Variants in SPIN2A observed in about 807,000 individuals in gnomAD.
SPIN2A encodes the protein spindlin family member 2A.
In SPIN2A, 4 loss-of-function variants were observed where a neutral mutation model predicts 9.2. That is an observed-to-expected ratio of 0.44 (90% CI 0.21 to 1.00). The LOEUF is 1.00. SPIN2A is among the 50% of genes least tolerant of loss of function. The pLI is 0.26. For synonymous variants in SPIN2A, 25 were observed against 61.2 expected, an observed-to-expected ratio of 0.41 and a Z score of 2.76; for missense variants, 77 against 172.8, an observed-to-expected ratio of 0.45 and a Z score of 3.11.
chrX:57,137,439 A>G (rs951783484), upstream of SPIN2A: 35 of 663,244 alleles, frequency 5.3e-5, 1 homozygote, highest in Non-Finnish European at 6.1e-5. Context: ...CTGGCCGTCT[A>G]CCTCCCTGTT....
downstream of SPIN2A, chrX:57,135,193 A>G (rs1347647295): frequency 8.6e-6 from 1 of 115,896 alleles, no homozygotes; most frequent in African/African-American, 3.3e-5. Flanking sequence ...TCCTTTGTGT[A>G]TCCTTTAGCC....
upstream of SPIN2A, among the ~76,000 whole-genome samples, chrX:57,137,816 A>G (rs1015094955): frequency 6.3e-5 from 7 of 111,821 alleles, no homozygotes; most frequent in African/African-American, 2.3e-4. Context: ...TACCATGTGT[A>G]TACATTTATG....
intron 1 of SPIN2A, chrX:57,136,942 C>A: frequency 1.2e-6 from 1 of 846,156 alleles, no homozygotes; most frequent in Non-Finnish European, 1.6e-6. Flanking sequence ...CCTTGACCAG[C>A]ACCCACTACC....
chrX:57,142,210 G>C (rs945570585), upstream of SPIN2A, among the ~76,000 whole-genome samples: 1 of 111,443 alleles, frequency 9.0e-6, no homozygotes. Context: ...TTTATTTGAA[G>C]TTTTTATGCT....
chrX:57,145,070 G>C, the SPIN2A span, among the ~76,000 whole-genome samples: 49,910 of 109,719 alleles, frequency 0.45, 11,428 homozygotes, highest in African/African-American at 0.89. Flanking sequence ...GACTTTTTCT[G>C]TGGGTAGTGG....
Position 57,136,826 on chromosome X carries a change from G to A in SPIN2A, c.-5-224C>T, listed in dbSNP as rs1927795762. The stretch of plus-strand genomic sequence containing the variant: ...GTGCAGTAGAGCTGTCTGGGGTTAG[G>A]AACTCTGCAGAAGTGGCTGGGCCAC... On this transcript the variant is annotated intron_variant, in intron 1 of 1. Transcript: ENST00000374906. The A allele has an allele frequency of 9.7e-6, 4 of 413,824 alleles. No individual in the cohort carries two copies. In the East Asian group the frequency reaches 1.7e-4, roughly 18 times the overall value. 34.1% of individuals were successfully genotyped at this position (413,824 alleles called of 1,213,427 possible).
the SPIN2A span, among the ~76,000 whole-genome samples, chrX:57,146,913 G>T: frequency 1.8e-5 from 2 of 111,720 alleles, no homozygotes; most frequent in Non-Finnish European, 3.8e-5. Context: ...CTAGTATGAA[G>T]CCCACTTGAT....
chrX:57,145,532 C>T, the SPIN2A span, among the ~76,000 whole-genome samples: 2 of 111,857 alleles, frequency 1.8e-5, no homozygotes, highest in Non-Finnish European at 3.8e-5. Context: ...ATGACTGTTC[C>T]TTTTGTTGTG....
At chrX:57,145,826 A>C in the SPIN2A span, among the ~76,000 whole-genome samples, 1 of 110,829 alleles carries the variant, frequency 9.0e-6, no homozygotes, top group Non-Finnish European at 1.9e-5. Context: ...TCCTTTTCCC[A>C]CTTTATGTTT....
chrX:57,145,461 T>A, the SPIN2A span, among the ~76,000 whole-genome samples: 1 of 112,043 alleles, frequency 8.9e-6, no homozygotes, highest in Non-Finnish European at 1.9e-5. Context: ...ATATTAGTCC[T>A]CTGTTGGATG....
At chrX:57,141,133 G>GT (rs1345178819), upstream of SPIN2A, among the ~76,000 whole-genome samples, 2 of 111,345 alleles carry the variant, frequency 1.8e-5, no homozygotes, top group African/African-American at 3.3e-5. Flanking sequence ...TTTGTTGAGA[G>GT]TTTTTTTCAT....
chrX:57,139,314 T>G (rs1275885739), upstream of SPIN2A, among the ~76,000 whole-genome samples: 5 of 112,333 alleles, frequency 4.5e-5, no homozygotes, highest in African/African-American at 1.6e-4. Context: ...ACAGAGAGTG[T>G]CCTTTCTATA....
upstream of SPIN2A, among the ~76,000 whole-genome samples, chrX:57,138,069 G>C (rs1267567024): frequency 8.9e-6 from 1 of 111,858 alleles, no homozygotes; most frequent in Non-Finnish European, 1.9e-5. Context: ...GCATTATGTA[G>C]GCATATTTTA....
At chrX:57,144,809 A>G in the SPIN2A span, among the ~76,000 whole-genome samples, 1 of 110,602 alleles carries the variant, frequency 9.0e-6, no homozygotes, top group Non-Finnish European at 1.9e-5. Flanking sequence ...ACTTAGAATG[A>G]TAGTCTCCAA....
At position 57,137,308 on chromosome X, in the gene SPIN2A, C is replaced by T. The variant is rs1486741580; in HGVS notation, c.-54G>A. 1.3e-6 allele frequency: 1 copy of T among 759,101 alleles called. No individual in the cohort carries two copies. The highest frequency in any genetic ancestry group is 1.6e-6 in the Non-Finnish European group (1 of 641,771). 62.6% of individuals were successfully genotyped at this position (759,101 alleles called of 1,213,427 possible). ...CCTGTGGCGAAGGAGGGTCAACAGGCGACTCGCTGAGTGACTGCTTGCAAG... is the reference window on the plus strand; with the variant it reads ...CCTGTGGCGAAGGAGGGTCAACAGGTGACTCGCTGAGTGACTGCTTGCAAG... On this transcript the variant is annotated 5_prime_UTR_variant, in exon 1 of 2. Transcript: ENST00000374906.
At chrX:57,146,635 C>G in the SPIN2A span, among the ~76,000 whole-genome samples, 1 of 111,915 alleles carries the variant, frequency 8.9e-6, no homozygotes, top group Admixed American at 9.5e-5. Context: ...GCATCCTTGT[C>G]TTGTTCCAGT....
rs1370492072 is a variant in SPIN2A at position 57,135,914 on chromosome X, G to A, written c.684C>T (p.Val228=). 4 of 1,210,057 alleles carry A rather than the reference G, an allele frequency of 3.3e-6. No homozygotes were observed. The highest frequency in any genetic ancestry group is 1.7e-5 in the African/African-American group (1 of 57,697). Residue 228 remains valine, a synonymous_variant, in exon 2 of 2, where the codon GTC becomes GTT. Transcript: ENST00000374906. The part of the protein sequence containing the change: ...KEDGSKRIGM[V]IHQVETKPSV... ...AGGGTTTGGTTTCCACTTGGTGAAT[G>A]ACCATGCCGATCCTTTTGGAGCCAT...
chrX:57,141,522 A>C (rs1421716703), upstream of SPIN2A, among the ~76,000 whole-genome samples: 1 of 111,560 alleles, frequency 9.0e-6, no homozygotes, highest in East Asian at 2.8e-4. Context: ...GTTCTTCCTT[A>C]AATTTTTGGT....
the SPIN2A span, among the ~76,000 whole-genome samples, chrX:57,144,264 C>T: frequency 1.2e-3 from 137 of 110,900 alleles, no homozygotes; most frequent in African/African-American, 4.3e-3. Context: ...CTTTTGTGAG[C>T]TTGATTATTA....
Sources: gnomAD v4.1 joint callset for allele counts (sites outside exome capture counted in the v4.1 genomes callset) on GRCh38, gnomAD v4.1.1 for gene constraint, MANE v1.5 for transcripts, NCBI Gene and HGNC (gene_info 2026-07-23, HGNC 2026-07-21) for gene names.